The following KANK4 variants were observed in gnomAD, a reference collection of about 807,000 sequenced individuals.
KANK4 encodes the protein KN motif and ankyrin repeat domain-containing protein 4.
KANK4 carries 50 observed loss-of-function variants against 80.8 expected under a neutral mutation model. The observed-to-expected ratio is 0.62, with a 90% confidence interval of 0.49 to 0.78. The LOEUF is 0.78. KANK4 is among the 30% of genes least tolerant of loss of function. KANK4 has a pLI of 0.00. For missense variants in KANK4, 1,196 were observed against 1,240.1 expected (o/e 0.96, Z 0.53); for synonymous variants, 465 against 506.9 (o/e 0.92, Z 1.11).
intron 1 of KANK4, among the ~76,000 whole-genome samples, chr1:62,286,910 A>G (rs1323164247): frequency 6.6e-6 from 1 of 152,184 alleles, no homozygotes; most frequent in African/African-American, 2.4e-5. Flanking sequence ...CTGCTGCCCT[A>G]GAGCACCAAA....
chr1:62,248,208 C>G (rs549398833), intron 8 of KANK4, among the ~76,000 whole-genome samples: 3 of 152,270 alleles, frequency 2.0e-5, no homozygotes, highest in African/African-American at 7.2e-5. Flanking sequence ...GGTTGCATGT[C>G]CTGTGGTCAT....
intron 1 of KANK4, among the ~76,000 whole-genome samples, chr1:62,306,246 T>G (rs571072365): frequency 4.6e-5 from 7 of 152,182 alleles, no homozygotes; most frequent in Non-Finnish European, 1.0e-4. Context: ...TGCCTCAGCC[T>G]CTGAAAGCAT....
intron 1 of KANK4, among the ~76,000 whole-genome samples, chr1:62,306,227 C>T (rs957840532): frequency 3.3e-5 from 5 of 152,050 alleles, no homozygotes; most frequent in Admixed American, 6.5e-5. Context: ...TGGCCTCAAG[C>T]GATCCTCCTG....
At chr1:62,280,285 G>A (rs1477780445) in intron 2 of KANK4, among the ~76,000 whole-genome samples, 1 of 152,164 alleles carries the variant, frequency 6.6e-6, no homozygotes, top group African/African-American at 2.4e-5. Flanking sequence ...CTGAAAGGAG[G>A]GAGCCTTTCT....
chr1:62,266,694 A>G lies in KANK4; in HGVS notation c.2319+38T>C, dbSNP rs1672029564. 9 of 1,390,566 alleles carry G rather than the reference A, an allele frequency of 6.5e-6. No individual in the cohort carries two copies. The African/African-American group carries it at 1.0e-4, about 15-fold the overall frequency. The allele number at this position is 1,390,566 out of a possible 1,614,324, so 86.1% of individuals were successfully genotyped here. On this transcript the variant is annotated intron_variant, in intron 6 of 9. Coordinates refer to ENST00000371153, the MANE Select transcript of KANK4 (RefSeq NM_181712.5). ...CTGGCAGAGCTAACGTCTTAAACAG[A>G]AGGGAAATCTTTACATGACAATGAA...
chr1:62,307,601 T>C (rs781598280), intron 1 of KANK4, among the ~76,000 whole-genome samples: 1 of 152,136 alleles, frequency 6.6e-6, no homozygotes, highest in Non-Finnish European at 1.5e-5. Flanking sequence ...ATTAACATTC[T>C]GAGAACATTG....
At position 62,285,776 on chromosome 1, in the gene KANK4, C is replaced by T. The variant is rs1173444946; in HGVS notation, c.-70-4142G>A. On this transcript the variant is annotated intron_variant, in intron 1 of 9. Coordinates refer to ENST00000371153, the MANE Select transcript of KANK4 (RefSeq NM_181712.5). ...TGATCCCTTGCAAAGACAAAGCACT[C>T]TTTCCATAAGAAAAAAAAAAAAATC... Among the ~76,000 whole-genome samples, 3 of 151,716 alleles carry T rather than the reference C, an allele frequency of 2.0e-5. No homozygotes were observed. The East Asian group carries it at 5.8e-4, about 29-fold the overall frequency.
chr1:62,316,859 T>C (rs1320710066), intron 1 of KANK4, among the ~76,000 whole-genome samples: 1 of 152,154 alleles, frequency 6.6e-6, no homozygotes, highest in Non-Finnish European at 1.5e-5. Flanking sequence ...GTAGCTGATG[T>C]TTGCTGTGAC....
chr1:62,310,499 C>A (rs1644489836), intron 1 of KANK4, among the ~76,000 whole-genome samples: 1 of 152,234 alleles, frequency 6.6e-6, no homozygotes, highest in African/African-American at 2.4e-5. Flanking sequence ...CAAGAATGGG[C>A]AAATTCCCTG....
intron 1 of KANK4, among the ~76,000 whole-genome samples, chr1:62,293,136 G>A (rs1672720805): frequency 6.6e-6 from 1 of 151,552 alleles, no homozygotes; most frequent in Non-Finnish European, 1.5e-5. Flanking sequence ...TGCCCAGGCT[G>A]GAGTACAATG....
chr1:62,263,384 AC>A, intron 6 of KANK4, 73 bp from the exon 7 acceptor site: 1 of 1,281,018 alleles, frequency 7.8e-7, no homozygotes, highest in Non-Finnish European at 1.1e-6. Flanking sequence ...ACAAGGAAAG[AC>A]AGCTTTGGCC....
At chr1:62,257,497 CA>C (rs1159432741) in intron 7 of KANK4, among the ~76,000 whole-genome samples, 8 of 152,334 alleles carry the variant, frequency 5.3e-5, no homozygotes, top group African/African-American at 1.9e-4. Flanking sequence ...TCCTCTGACT[CA>C]ATAAGCCCTG....
chr1:62,291,117 T>C (rs1672670380), intron 1 of KANK4, among the ~76,000 whole-genome samples: 1 of 152,232 alleles, frequency 6.6e-6, no homozygotes, highest in African/African-American at 2.4e-5. Context: ...ATAGCCATCC[T>C]AGTAGGTGTA....
At chr1:62,269,759 A>G (rs1421488887) in intron 4 of KANK4, among the ~76,000 whole-genome samples, 4 of 152,338 alleles carry the variant, frequency 2.6e-5, no homozygotes, top group Admixed American at 6.5e-5. Context: ...TATTATATTT[A>G]GGTAGTGATA....
chr1:62,281,622 C>G lies in KANK4; in HGVS notation c.-58G>C. ...CTCTTCATCCAATGAGTCTGTAAAACTTGTTGAAGGTTCTGAAAGAAAGGA... is the reference window on the plus strand; with the variant it reads ...CTCTTCATCCAATGAGTCTGTAAAAGTTGTTGAAGGTTCTGAAAGAAAGGA... On this transcript the variant is annotated 5_prime_UTR_variant, in exon 2 of 10. Transcript: ENST00000371153. The G allele has an allele frequency of 1.2e-6, 2 of 1,603,454 alleles. No individual in the cohort carries two copies. Among genetic ancestry groups the G allele is most frequent in the Non-Finnish European group, 1.7e-6 (2 of 1,170,262 alleles).
chr1:62,251,487 T>C (rs768189830), intron 8 of KANK4, among the ~76,000 whole-genome samples: 4 of 152,122 alleles, frequency 2.6e-5, no homozygotes, highest in Non-Finnish European at 5.9e-5. Context: ...GTTCAAAAAA[T>C]GGGCAAATGA....
intron 7 of KANK4, among the ~76,000 whole-genome samples, chr1:62,256,000 G>C (rs1412719269): frequency 6.6e-6 from 1 of 152,086 alleles, no homozygotes; most frequent in Non-Finnish European, 1.5e-5. Context: ...TGGGCCATGG[G>C]GCCACTTATG....
chr1:62,289,940 T>C (rs1490359478), intron 1 of KANK4, among the ~76,000 whole-genome samples: 1 of 152,168 alleles, frequency 6.6e-6, no homozygotes, highest in Non-Finnish European at 1.5e-5. Flanking sequence ...TGAACTTCCC[T>C]GTGCCTCAGT....
intron 1 of KANK4, among the ~76,000 whole-genome samples, chr1:62,290,241 C>T (rs1672651838): frequency 6.6e-6 from 1 of 152,172 alleles, no homozygotes; most frequent in Non-Finnish European, 1.5e-5. Context: ...CGTCCATTGA[C>T]TTGCACCTTA....
Sources: allele counts gnomAD v4.1 joint callset (sites outside exome capture counted in the v4.1 genomes callset), GRCh38; gene constraint gnomAD v4.1.1; transcripts MANE v1.5; gene names NCBI Gene and HGNC (gene_info 2026-07-23, HGNC 2026-07-21).